Variants in LARS2 observed in about 807,000 individuals in gnomAD.
LARS2 encodes leucyl-tRNA synthetase 2, mitochondrial, also known as leucine--tRNA ligase, mitochondrial.
LARS2 carries 81 observed loss-of-function variants against 116.6 expected under a neutral mutation model. That is an observed-to-expected ratio of 0.69 (90% CI 0.58 to 0.84). The LOEUF is 0.84. Among genes scored for constraint, LARS2 ranks in the 40% least tolerant of loss-of-function variants. The pLI is 0.00. For synonymous variants in LARS2, 396 were observed against 407.2 expected (o/e 0.97, Z 0.33); for missense variants, 968 against 1,114.5 (o/e 0.87, Z 1.87).
chr3:45,449,156 A>ATTTTTT (rs1161349903), intron 7 of LARS2, among the ~76,000 whole-genome samples: 4 of 102,932 alleles, frequency 3.9e-5, no homozygotes, highest in Non-Finnish European at 7.8e-5. Context: ...TTAACTCACT[A>ATTTTTT]TTTTTTTTTT....
At chr3:45,486,277 C>T (rs1699812960) in intron 11 of LARS2, among the ~76,000 whole-genome samples, 1 of 152,140 alleles carries the variant, frequency 6.6e-6, no homozygotes, top group African/African-American at 2.4e-5. Context: ...AGGAGGCGAA[C>T]TCGAGCTATT....
rs1233053092 is a variant in LARS2, at chr3:45,500,497, G to C, written c.1678G>C (p.Gly560Arg). 6.2e-7 allele frequency: 1 copy of C among 1,601,980 alleles called. No homozygotes were observed. The highest frequency in any genetic ancestry group is 8.5e-7 in the Non-Finnish European group (1 of 1,175,870). Residue 560 changes from glycine (G) to arginine (R), a missense_variant, in exon 15 of 22, where the codon GGG becomes CGG. By Grantham distance (125) the Gly-to-Arg change is moderately radical (BLOSUM62 -2). Transcript: ENST00000645846. The stretch of plus-strand genomic sequence containing the variant: ...GATGCCTGTGGATTTGTACATTGGA[G>C]GGAAAGAACATGCCGTCATGCACTT... ...YWMPVDLYIGGKEHAVMHLFY... is the reference protein window; with the variant it reads ...YWMPVDLYIGRKEHAVMHLFY...
At chr3:45,394,315 A>C in intron 2 of LARS2, 118 bp from the exon 3 acceptor site, 1 of 616,396 alleles carries the variant, frequency 1.6e-6, no homozygotes, top group South Asian at 2.1e-5. Flanking sequence ...CAGGGAAAGA[A>C]ATTATTAAAA....
chr3:45,478,754 T>C (rs1331064834), intron 10 of LARS2, among the ~76,000 whole-genome samples: 1 of 152,238 alleles, frequency 6.6e-6, no homozygotes, highest in Non-Finnish European at 1.5e-5. Flanking sequence ...AATACTCTTT[T>C]TGCAGATGTC....
At chr3:45,517,022 C>T (rs1700378215) in intron 17 of LARS2, among the ~76,000 whole-genome samples, 1 of 152,266 alleles carries the variant, frequency 6.6e-6, no homozygotes, top group African/African-American at 2.4e-5. Context: ...GTGAAGTATC[C>T]ATGTCATTTG....
chr3:45,466,843 A>T (rs370004190), intron 8 of LARS2, among the ~76,000 whole-genome samples: 24 of 152,180 alleles, frequency 1.6e-4, no homozygotes, highest in African/African-American at 5.5e-4. Context: ...CAGCCTCCTG[A>T]GTAGCTGGGA....
intron 6 of LARS2, among the ~76,000 whole-genome samples, chr3:45,425,902 TTTTTCTTTTC>T (rs200627872): frequency 6.9e-5 from 10 of 144,206 alleles, no homozygotes; most frequent in Middle Eastern, 3.6e-3. Flanking sequence ...AGCCTTTTTT[TTTTTCTTTTC>T]TTTTCTTTTC....
chr3:45,459,479 T>A (rs1266336320), intron 8 of LARS2, among the ~76,000 whole-genome samples: 1 of 152,226 alleles, frequency 6.6e-6, no homozygotes, highest in East Asian at 1.9e-4. Flanking sequence ...ATAAACTGGT[T>A]CTTGGGCCTT....
intron 5 of LARS2, among the ~76,000 whole-genome samples, chr3:45,419,251 G>C (rs1261815213): frequency 6.6e-6 from 1 of 152,120 alleles, no homozygotes; most frequent in East Asian, 1.9e-4. Flanking sequence ...GGTTTCTTTT[G>C]GATTCCCACA....
intron 21 of LARS2, 138 bp downstream of exon 21, chr3:45,542,094 C>T (rs977216055): frequency 8.3e-6 from 9 of 1,087,672 alleles, no homozygotes; most frequent in African/African-American, 4.7e-5. Context: ...ACCTTGTGAC[C>T]GGAAGGCACA....
chr3:45,412,099 C>A (rs1205163572), intron 4 of LARS2, among the ~76,000 whole-genome samples: 2 of 152,186 alleles, frequency 1.3e-5, no homozygotes, highest in East Asian at 3.9e-4. Context: ...CATTGATGGT[C>A]ATTTAGGTTG....
At position 45,443,422 on chromosome 3, in the gene LARS2, A is replaced by G. The variant is rs950489454; in HGVS notation, c.517-3469A>G. On this transcript the variant is annotated intron_variant, in intron 6 of 21. Transcript: ENST00000645846. ...ATCAGGGAAGGTTCCAGAGGGCTCT[A>G]TGACTTTCAGGAGATGTATTTCTAA... Among the ~76,000 whole-genome samples the G allele has an allele frequency of 1.5e-3, 224 of 152,330 alleles. 10 individuals are homozygous for G. The highest frequency in any genetic ancestry group is 0.015 in the Admixed American group (222 of 15,296).
chr3:45,512,566 C>G (rs1047802951), intron 15 of LARS2, among the ~76,000 whole-genome samples: 1 of 152,160 alleles, frequency 6.6e-6, no homozygotes, highest in Non-Finnish European at 1.5e-5. Flanking sequence ...TGAGATAGAT[C>G]TATATGAACT....
Position 45,474,352 on chromosome 3 carries a change from T to C in LARS2, c.858+2T>C. ...TGCCACCTGGACTTCACATTAAAGG[T>C]GATTAAGTAATAGCAGCTCCAGCAA... is the stretch of plus-strand genomic sequence containing the variant. On this transcript the variant is annotated splice_donor_variant, in intron 9 of 21. Transcript: ENST00000645846. LOFTEE classifies it high-confidence loss of function. The C allele has an allele frequency of 6.4e-7, 1 of 1,572,584 alleles. No homozygotes were observed. Among genetic ancestry groups the C allele is most frequent in the Non-Finnish European group, 8.7e-7 (1 of 1,145,816 alleles).
intron 8 of LARS2, among the ~76,000 whole-genome samples, chr3:45,470,322 A>G (rs1178224864): frequency 6.6e-6 from 1 of 152,120 alleles, no homozygotes; most frequent in Non-Finnish European, 1.5e-5. Context: ...CCAGCTTTTT[A>G]GTTTTAATGT....
chr3:45,418,869 T>C (rs759617827), intron 5 of LARS2, among the ~76,000 whole-genome samples: 8 of 152,240 alleles, frequency 5.3e-5, no homozygotes, highest in Non-Finnish European at 1.0e-4. Context: ...CTTTACTTAT[T>C]TGTGCTTCAG....
intron 4 of LARS2, among the ~76,000 whole-genome samples, chr3:45,411,916 C>G (rs1273384050): frequency 6.6e-6 from 1 of 152,178 alleles, no homozygotes; most frequent in Non-Finnish European, 1.5e-5. Flanking sequence ...TCATTTAGCT[C>G]CCACTTATAA....
chr3:45,410,973 C>A (rs1698321173), intron 4 of LARS2, among the ~76,000 whole-genome samples: 1 of 152,188 alleles, frequency 6.6e-6, no homozygotes, highest in Non-Finnish European at 1.5e-5. Context: ...GGAAAAGAGA[C>A]CTCAAGTCTC....
At chr3:45,422,828 A>C (rs1429105572) in intron 6 of LARS2, among the ~76,000 whole-genome samples, 1 of 152,200 alleles carries the variant, frequency 6.6e-6, no homozygotes, top group African/African-American at 2.4e-5. Flanking sequence ...CTATTGGTAC[A>C]TCATTTATAG....
Sources: allele counts gnomAD v4.1 joint callset (sites outside exome capture counted in the v4.1 genomes callset), GRCh38; gene constraint gnomAD v4.1.1; transcripts MANE v1.5; gene names NCBI Gene and HGNC (gene_info 2026-07-23, HGNC 2026-07-21).